The following RESF1 variants were observed in gnomAD, a reference collection of about 807,000 sequenced individuals.
The protein encoded by RESF1 is gonad expressed transcript.
RESF1 carries 65 observed loss-of-function variants against 134.7 expected under a neutral mutation model. The observed-to-expected ratio is 0.48, with a 90% CI of 0.40 to 0.59. The LOEUF is 0.59. RESF1 is among the 20% of genes least tolerant of loss of function. RESF1 has a pLI of 0.00. For missense variants in RESF1, 2,274 were observed against 2,002.7 expected, an observed-to-expected ratio of 1.14 and a Z score of -2.59; for synonymous variants, 762 against 702.2, an observed-to-expected ratio of 1.09 and a Z score of -1.35.
intron 2 of RESF1, among the ~76,000 whole-genome samples, chr12:31,969,667 C>G (rs1409614219): frequency 6.6e-6 from 1 of 152,160 alleles, no homozygotes; most frequent in Non-Finnish European, 1.5e-5. Flanking sequence ...GAGACGGAGT[C>G]TTGCTCTGTC....
At position 31,983,362 on chromosome 12, in the gene RESF1, C is replaced by T; in HGVS notation, c.2407C>T (p.Gln803Ter). The T allele has an allele frequency of 6.2e-7, 1 of 1,614,008 alleles. No individual in the cohort carries two copies. Among genetic ancestry groups the T allele is most frequent in the Non-Finnish European group, 8.5e-7 (1 of 1,180,010 alleles). ...KEGSVCSLQN[Q>*]LAENAKATAA... ...AGGCAGTGTTTGTAGTTTACAAAAT[C>T]AATTGGCAGAAAATGCAAAGGCAAC... The change falls in exon 4 of 6, where the codon CAA becomes TAA. Residue 803 changes from glutamine to a stop codon, truncating the protein, a stop_gained. Transcript: ENST00000312561. LOFTEE classifies it high-confidence loss of function.
At chr12:31,973,308 T>G (rs573928122) in intron 3 of RESF1, among the ~76,000 whole-genome samples, 1 of 144,584 alleles carries the variant, frequency 6.9e-6, no homozygotes, top group East Asian at 1.9e-4. Flanking sequence ...ACACATGGAT[T>G]TGACTTTTTT....
intron 2 of RESF1, among the ~76,000 whole-genome samples, 196 bp downstream of exon 2, chr12:31,961,067 A>G (rs1352410782): frequency 6.6e-6 from 1 of 152,236 alleles, no homozygotes; most frequent in Non-Finnish European, 1.5e-5. Flanking sequence ...GTACTGAAAA[A>G]TCAGTTGTTA....
At chr12:31,978,294 C>G (rs939752969) in intron 3 of RESF1, among the ~76,000 whole-genome samples, 1 of 151,978 alleles carries the variant, frequency 6.6e-6, no homozygotes, top group Admixed American at 6.6e-5. Flanking sequence ...TTGTAATAAA[C>G]AGTAAAACAA....
At chr12:31,973,528 C>T (rs985547693) in intron 3 of RESF1, among the ~76,000 whole-genome samples, 2 of 152,150 alleles carry the variant, frequency 1.3e-5, no homozygotes, top group Non-Finnish European at 2.9e-5. Flanking sequence ...GTCGTAATCC[C>T]TATGTTGTTC....
intron 3 of RESF1, among the ~76,000 whole-genome samples, chr12:31,980,085 C>T (rs1344304718): frequency 6.9e-6 from 1 of 144,756 alleles, no homozygotes; most frequent in Non-Finnish European, 1.5e-5. Flanking sequence ...TTAGTGTTTG[C>T]TTATGCCAGA....
chr12:31,973,395 A>T (rs906019694), intron 3 of RESF1, among the ~76,000 whole-genome samples: 1 of 151,938 alleles, frequency 6.6e-6, no homozygotes, highest in Non-Finnish European at 1.5e-5. Context: ...ACAGCCTCAA[A>T]CATCTGGGCT....
At chr12:31,973,406 C>CA (rs1467547722) in intron 3 of RESF1, among the ~76,000 whole-genome samples, 1 of 151,962 alleles carries the variant, frequency 6.6e-6, no homozygotes, top group Non-Finnish European at 1.5e-5. Flanking sequence ...CATCTGGGCT[C>CA]AAACAGTCCT....
At position 31,981,610 on chromosome 12, in the gene RESF1, C is replaced by T. The variant is rs781500323; in HGVS notation, c.655C>T (p.Arg219Cys). ...PDYRPPPKLYRYSPQSFLPDS... is the reference protein window; with the variant it reads ...PDYRPPPKLYCYSPQSFLPDS... ...TTACAGACCACCTCCAAAGCTATAC[C>T]GTTACTCACCACAAAGCTTTTTACC... Residue 219 changes from arginine to cysteine, a missense_variant, in exon 4 of 6, where the codon CGT (arginine) becomes TGT (cysteine). Physicochemically the swap from Arg to Cys is radical, Grantham distance 180 (BLOSUM62 -3). Coordinates refer to ENST00000312561, the MANE Select transcript of RESF1 (RefSeq NM_018169.4). 4.3e-5 allele frequency: 69 copies of T among 1,613,968 alleles called. No individual in the cohort carries two copies. Among genetic ancestry groups the T allele is most frequent in the African/African-American group, 4.0e-5 (3 of 74,894 alleles).
In RESF1 at chr12:31,984,531, C is replaced by A. The variant is rs1424434437; in HGVS notation, c.3576C>A (p.Ser1192=). The change falls in exon 4 of 6, where the codon TCC becomes TCA. Residue 1192 remains serine (S), a synonymous_variant. Transcript: ENST00000312561. ...GAGTACCCCAGTGTCAGTGTAATTC[C>A]ATCAAGAACTCATCTTCAGAGGAAG... ...YEGVPQCQCN[S]IKNSSSEEEK... The A allele has an allele frequency of 6.3e-7, 1 of 1,595,038 alleles. No homozygotes were observed. The highest frequency in any genetic ancestry group is 1.1e-5 in the South Asian group (1 of 88,686).
intron 3 of RESF1, among the ~76,000 whole-genome samples, chr12:31,972,912 C>T (rs1192065076): frequency 2.6e-5 from 4 of 151,652 alleles, no homozygotes; most frequent in African/African-American, 7.3e-5. Flanking sequence ...CTTTTTATTC[C>T]TTTCTTATTC....
intron 1 of RESF1, among the ~76,000 whole-genome samples, chr12:31,960,511 G>A (rs1476141840): frequency 1.3e-5 from 2 of 152,162 alleles, no homozygotes; most frequent in Admixed American, 6.5e-5. Flanking sequence ...ATAAAGACAA[G>A]TGCAGAGATA....
Position 31,985,224 on chromosome 12 carries a change from G to T in RESF1, c.4269G>T (p.Lys1423Asn). 6.3e-7 allele frequency: 1 copy of T among 1,591,092 alleles called. No homozygotes were observed. Among genetic ancestry groups the T allele is most frequent in the Non-Finnish European group, 8.5e-7 (1 of 1,174,172 alleles). Residue 1423 changes from lysine (K) to asparagine (N), a missense_variant, in exon 4 of 6, where the codon AAG (lysine) becomes AAT (asparagine). Lys to Asn is a moderately conservative substitution (Grantham distance 94). Transcript: ENST00000312561. ...ACGAAAGAGCCATTGTTAAAGAAAA[G>T]ATGGTATCAAATACTAAGTCTGTAG... ...NPNERAIVKE[K>N]MVSNTKSVDT...
In RESF1 at chr12:31,983,987, G is replaced by A. The variant is rs1939884592; in HGVS notation, c.3032G>A (p.Cys1011Tyr). 6.2e-7 allele frequency: 1 copy of A among 1,613,920 alleles called. No homozygotes were observed. Among genetic ancestry groups the A allele is most frequent in the East Asian group, 2.2e-5 (1 of 44,884 alleles). ...ATEKSTANDTCSSAAIQEDIY... is the reference protein window; with the variant it reads ...ATEKSTANDTYSSAAIQEDIY... ...GAAAAAAGCACAGCTAACGATACGT[G>A]CTCGTCAGCTGCTATTCAGGAGGAT... is the stretch of plus-strand genomic sequence containing the variant. The change falls in exon 4 of 6, where the codon TGC becomes TAC. Residue 1011 changes from cysteine to tyrosine, a missense_variant. Transcript: ENST00000312561.
At chr12:31,977,168 G>T (rs1178883160) in intron 3 of RESF1, among the ~76,000 whole-genome samples, 1 of 151,828 alleles carries the variant, frequency 6.6e-6, no homozygotes, top group Non-Finnish European at 1.5e-5. Flanking sequence ...CCCCTATCCC[G>T]AGGGCATAAA....
chr12:31,966,275 G>T (rs529551026), intron 2 of RESF1, among the ~76,000 whole-genome samples: 1 of 152,332 alleles, frequency 6.6e-6, no homozygotes, highest in Non-Finnish European at 1.5e-5. Context: ...GATTGGACAA[G>T]CTTGATTTAG....
At position 31,963,435 on chromosome 12, in the gene RESF1, CTG is replaced by C. The variant is rs1410058490; in HGVS notation, c.-247+2566_-247+2567del. ...AAGAGAGTTTTAAAGATTTGGGACACTGTATCTTTGAGCTCTGCTGTCCTCTG... is the reference window on the plus strand; with the variant it reads ...AAGAGAGTTTTAAAGATTTGGGACACTATCTTTGAGCTCTGCTGTCCTCTG... On this transcript the variant is annotated intron_variant, in intron 2 of 5. Coordinates refer to ENST00000312561, the MANE Select transcript of RESF1 (RefSeq NM_018169.4). 4.6e-5 allele frequency among the ~76,000 whole-genome samples: 7 copies of C among 152,098 alleles called. No individual in the cohort carries two copies. In the South Asian group the frequency reaches 6.2e-4, roughly 14 times the overall value.
intron 4 of RESF1, among the ~76,000 whole-genome samples, chr12:31,986,991 G>A (rs1156666039): frequency 7.2e-5 from 11 of 152,148 alleles, no homozygotes; most frequent in Non-Finnish European, 1.6e-4. Context: ...AATATCTGGA[G>A]ATGTATTAAC....
At chr12:31,960,397 G>A (rs1042098532) in intron 1 of RESF1, among the ~76,000 whole-genome samples, 2 of 152,116 alleles carry the variant, frequency 1.3e-5, no homozygotes, top group African/African-American at 4.8e-5. Context: ...TGCTAAATGT[G>A]TTAGCTTTAA....
Sources: gnomAD v4.1 joint callset for allele counts (sites outside exome capture counted in the v4.1 genomes callset) on GRCh38, gnomAD v4.1.1 for gene constraint, MANE v1.5 for transcripts, NCBI Gene and HGNC (gene_info 2026-07-23, HGNC 2026-07-21) for gene names.